EMCN: variants seen among roughly 807,000 people sequenced by gnomAD.
EMCN encodes the protein endomucin.
EMCN carries 37 observed loss-of-function variants against 38.4 expected under a neutral mutation model. The ratio of observed to expected loss-of-function variants is 0.96; its 90% CI spans 0.74 to 1.27. EMCN has a LOEUF of 1.27. Among genes scored for constraint, EMCN ranks in the 50% most tolerant of loss-of-function variants. EMCN has a pLI of 0.00. For synonymous variants in EMCN, 95 were observed against 100.8 expected, an observed-to-expected ratio of 0.94 and a Z score of 0.35; for missense variants, 318 against 302.8, an observed-to-expected ratio of 1.05 and a Z score of -0.37.
chr4:100,483,064 G>T (rs1219281550), intron 1 of EMCN, among the ~76,000 whole-genome samples: 1 of 151,892 alleles, frequency 6.6e-6, no homozygotes, highest in Non-Finnish European at 1.5e-5. Flanking sequence ...TAGTTCTTTG[G>T]GTTGTTTAAC....
chr4:100,486,807 A>C (rs1242190676), intron 1 of EMCN: 1 of 958,488 alleles, frequency 1.0e-6, no homozygotes, highest in African/African-American at 1.8e-5. Context: ...AGAACCTGAG[A>C]TGTCCTGGCT....
chr4:100,434,830 T>C (rs909216547), intron 5 of EMCN, among the ~76,000 whole-genome samples: 4 of 152,136 alleles, frequency 2.6e-5, no homozygotes, highest in African/African-American at 9.7e-5. Context: ...CAAAATCCCT[T>C]TATGTTAAAA....
chr4:100,431,362 G>T (rs1332507298), intron 5 of EMCN, among the ~76,000 whole-genome samples: 1 of 152,174 alleles, frequency 6.6e-6, no homozygotes, highest in East Asian at 1.9e-4. Context: ...TTGTGAGTGT[G>T]TCTGTTAGGG....
At chr4:100,448,816 C>T (rs113478828) in intron 4 of EMCN, among the ~76,000 whole-genome samples, 1 of 144,326 alleles carries the variant, frequency 6.9e-6, no homozygotes. Flanking sequence ...TCCTTCCTTC[C>T]TTCCTTCCTC....
chr4:100,470,214 TAACA>T (rs138640809), intron 3 of EMCN, among the ~76,000 whole-genome samples: 3,422 of 151,704 alleles, frequency 0.023, 125 homozygotes, highest in African/African-American at 0.078. Flanking sequence ...CCATGCCCAA[TAACA>T]TGGGCAAAGG....
At chr4:100,450,972 G>T (rs1727823024) in intron 4 of EMCN, among the ~76,000 whole-genome samples, 1 of 151,734 alleles carries the variant, frequency 6.6e-6, no homozygotes, top group Non-Finnish European at 1.5e-5. Flanking sequence ...AGTTTACTTG[G>T]TTATTTTAAT....
At chr4:100,442,124 T>G (rs72923851) in intron 5 of EMCN, among the ~76,000 whole-genome samples, 4,707 of 152,298 alleles carry the variant, frequency 0.031, 254 homozygotes, top group African/African-American at 0.11. Flanking sequence ...TGGGAACAAT[T>G]TTATTTCCCC....
intron 11 of EMCN, among the ~76,000 whole-genome samples, chr4:100,409,242 T>TTTTATTTTTTAG (rs539806849): frequency 3.3e-5 from 5 of 152,326 alleles, no homozygotes; most frequent in African/African-American, 1.2e-4. Flanking sequence ...TTATTTTTTA[T>TTTTATTTTTTAG]TGTTAGTTGC....
At chr4:100,462,021 A>G (rs550829856) in intron 4 of EMCN, among the ~76,000 whole-genome samples, 194 of 152,320 alleles carry the variant, frequency 1.3e-3, no homozygotes, top group African/African-American at 4.5e-3. Context: ...CGGTTTCATC[A>G]CTTGGCAAAT....
chr4:100,480,158 G>A, intron 1 of EMCN, 119 bp from the exon 2 acceptor site: 3 of 809,380 alleles, frequency 3.7e-6, no homozygotes, highest in Non-Finnish European at 5.6e-6. Flanking sequence ...TTTTCCAGTT[G>A]TAATCAATTT....
At chr4:100,424,939 G>C (rs1727002248) in intron 5 of EMCN, among the ~76,000 whole-genome samples, 1 of 152,046 alleles carries the variant, frequency 6.6e-6, no homozygotes, top group Admixed American at 6.6e-5. Flanking sequence ...TGATTGTAAT[G>C]TGTCTGGGTC....
At chr4:100,480,157 T>C (rs1463109653) in intron 1 of EMCN, 118 bp from the exon 2 acceptor site, 2 of 812,980 alleles carry the variant, frequency 2.5e-6, no homozygotes, top group Admixed American at 3.5e-5. Flanking sequence ...ATTTTCCAGT[T>C]GTAATCAATT....
intron 1 of EMCN, among the ~76,000 whole-genome samples, chr4:100,487,647 G>A (rs191363057): frequency 6.6e-5 from 10 of 152,258 alleles, no homozygotes; most frequent in African/African-American, 2.4e-4. Flanking sequence ...ATGACAGTGA[G>A]TGAGTCTCAT....
chr4:100,509,171 T>C (rs534921798), intron 1 of EMCN, among the ~76,000 whole-genome samples: 1 of 152,340 alleles, frequency 6.6e-6, no homozygotes, highest in South Asian at 2.1e-4. Flanking sequence ...TTGCTTCCTA[T>C]ATACAGTTAA....
chr4:100,465,613 C>G, intron 3 of EMCN, 74 bp from the exon 4 acceptor site: 1 of 728,270 alleles, frequency 1.4e-6, no homozygotes, highest in Non-Finnish European at 2.2e-6. Context: ...ATATTAATAT[C>G]CAACTAAAAC....
At chr4:100,475,659 CTT>C (rs869169290) in intron 2 of EMCN, among the ~76,000 whole-genome samples, 303 of 59,728 alleles carry the variant, frequency 5.1e-3, no homozygotes, top group Admixed American at 7.7e-3. Flanking sequence ...AATTCTAGTC[CTT>C]TTTTTTTTTT....
rs1183523913 is a variant in EMCN at position 100,447,926 on chromosome 4, G to T, written c.377-355C>A. On this transcript the variant is annotated intron_variant, in intron 4 of 11. Coordinates refer to ENST00000296420, the MANE Select transcript of EMCN (RefSeq NM_016242.4). ...AAAACTTTATTTTCAAAAAGTCAGG[G>T]TATTCAATTTTGCCCGTGGGCCATA... Among the ~76,000 whole-genome samples, 17 of 151,902 alleles carry T rather than the reference G, an allele frequency of 1.1e-4. 1 individual carries two copies. The highest frequency in any genetic ancestry group is 2.4e-4 in the Non-Finnish European group (16 of 67,984).
chr4:100,455,541 G>T (rs1488576582), intron 4 of EMCN, among the ~76,000 whole-genome samples: 2 of 1,838 alleles, frequency 1.1e-3, no homozygotes, highest in Non-Finnish European at 2.1e-3. Flanking sequence ...GTACTAAAAA[G>T]TTGTTTCATT....
At chr4:100,498,735 C>A (rs1006398314) in intron 1 of EMCN, among the ~76,000 whole-genome samples, 1 of 152,178 alleles carries the variant, frequency 6.6e-6, no homozygotes, top group African/African-American at 2.4e-5. Flanking sequence ...AGCCACCGTG[C>A]CCGGCCTATG....
Sources: gnomAD v4.1 joint callset for allele counts (sites outside exome capture counted in the v4.1 genomes callset) on GRCh38, gnomAD v4.1.1 for gene constraint, MANE v1.5 for transcripts, NCBI Gene and HGNC (gene_info 2026-07-23, HGNC 2026-07-21) for gene names.